Variants in PCDHGA3 observed in about 807,000 individuals in gnomAD.
PCDHGA3 encodes protocadherin gamma-A3.
A neutral mutation model predicts 58.5 loss-of-function variants in PCDHGA3; 40 were observed. That is an observed-to-expected ratio of 0.68 (90% CI 0.53 to 0.89). PCDHGA3 has a LOEUF of 0.89. Ranked by LOEUF, PCDHGA3 falls within the 40% of genes least tolerant of loss-of-function variation. PCDHGA3 has a pLI of 0.00. For missense variants in PCDHGA3, 1,223 were observed against 1,195.9 expected (o/e 1.02, Z -0.33); for synonymous variants, 530 against 525.7 (o/e 1.01, Z -0.11).
At position 141,480,148 on chromosome 5, in the gene PCDHGA3, G is replaced by C. The variant is rs139861128; in HGVS notation, c.2425-14659G>C. On this transcript the variant is annotated intron_variant, in intron 1 of 3. Transcript: ENST00000253812. ...ATAACTGTTAAACAATTATTAGCCA[G>C]CTCCTAGCATTTTGGGAGGCTGAGG... 9.2e-4 allele frequency among the ~76,000 whole-genome samples: 140 copies of C among 152,036 alleles called. 1 individual carries two copies. The highest frequency in any genetic ancestry group is 3.1e-3 in the African/African-American group (127 of 41,470).
At position 141,487,790 on chromosome 5, in the gene PCDHGA3, C is replaced by T. The variant is rs1360781901; in HGVS notation, c.2425-7017C>T. 6.6e-7 allele frequency: 1 copy of T among 1,511,992 alleles called. No individual in the cohort carries two copies. Among genetic ancestry groups the T allele is most frequent in the Non-Finnish European group, 8.9e-7 (1 of 1,120,458 alleles). The allele number at this position is 1,511,992 out of a possible 1,614,324, so 93.7% of individuals were successfully genotyped here. ...GCTTTGTAACTGTTTCGTGAATTAA[C>T]CAGAGTTGTCACAGTTTAGCATTGG... On this transcript the variant is annotated intron_variant, in intron 1 of 3. Coordinates refer to ENST00000253812, the MANE Select transcript of PCDHGA3 (RefSeq NM_018916.4). This position sits in a 1 kb window ranked among gnomAD's most constrained non-coding sequence, Gnocchi z 5.0.
intron 3 of PCDHGA3, chr5:141,508,010 CAAG>C (rs2099865550): frequency 6.6e-6 from 1 of 152,308 alleles, no homozygotes; most frequent in Non-Finnish European, 1.5e-5. Context: ...GGGATGCTCT[CAAG>C]GAGGCTGCGG....
chr5:141,478,249 A>T, intron 1 of PCDHGA3: 1 of 1,614,110 alleles, frequency 6.2e-7, no homozygotes, highest in African/African-American at 1.3e-5. Context: ...CAGTGTTCGG[A>T]GTAATCATAT....
chr5:141,361,584 C>T, intron 1 of PCDHGA3: 1 of 1,614,046 alleles, frequency 6.2e-7, no homozygotes, highest in African/African-American at 1.3e-5. Context: ...ACTTGGGCCC[C>T]AGTGGCCAAG....
chr5:141,443,288 C>T (rs2098378643), intron 1 of PCDHGA3, among the ~76,000 whole-genome samples: 1 of 150,180 alleles, frequency 6.7e-6, no homozygotes, highest in Non-Finnish European at 1.5e-5. Context: ...TGAGACCAGC[C>T]TGGACAGCAT....
rs201538255 is a variant in PCDHGA3 at position 141,476,796 on chromosome 5, G to A, written c.2425-18011G>A. 10 of 1,613,584 alleles carry A rather than the reference G, an allele frequency of 6.2e-6. No individual in the cohort carries two copies. In the East Asian group the frequency reaches 2.2e-4, roughly 36 times the overall value. On this transcript the variant is annotated intron_variant, in intron 1 of 3. Transcript: ENST00000253812. This position sits in a 1 kb window ranked among gnomAD's most constrained non-coding sequence, Gnocchi z 7.6. Reference sequence around the variant, plus strand: ...GGAGGGACCCCAGCTCTCTCCGCCAGCCTGCCTATTCACATCAAGGTGCTG... The same window carrying A: ...GGAGGGACCCCAGCTCTCTCCGCCAACCTGCCTATTCACATCAAGGTGCTG...
At chr5:141,360,227 T>C in intron 1 of PCDHGA3, 1 of 1,613,788 alleles carries the variant, frequency 6.2e-7, no homozygotes, top group Non-Finnish European at 8.5e-7. Context: ...GCTCTCCCAG[T>C]CCAGATCCGC....
At chr5:141,409,952 C>T (rs892751686) in intron 1 of PCDHGA3, 2 of 1,613,232 alleles carry the variant, frequency 1.2e-6, no homozygotes, top group Non-Finnish European at 1.7e-6. Context: ...CTCTGCAGAG[C>T]CCGGCTACCT....
intron 1 of PCDHGA3, chr5:141,433,012 G>A (rs1402902269): frequency 2.5e-6 from 4 of 1,614,054 alleles, no homozygotes; most frequent in Non-Finnish European, 3.4e-6. Flanking sequence ...CTTTCCTGCA[G>A]ACCTATTCCC....
In PCDHGA3 at chr5:141,383,687, C is replaced by T; in HGVS notation, c.2424+37230C>T. 1.2e-6 allele frequency: 2 copies of T among 1,613,968 alleles called. No homozygotes were observed. Among genetic ancestry groups the T allele is most frequent in the Middle Eastern group, 1.6e-4 (1 of 6,062 alleles). Reference sequence around the variant, plus strand: ...GTGCCAGTGGGTACAAGACTGCTCACGGTACATGCTATCGACCTGGACGAG... The same window carrying T: ...GTGCCAGTGGGTACAAGACTGCTCATGGTACATGCTATCGACCTGGACGAG... On this transcript the variant is annotated intron_variant, in intron 1 of 3. Coordinates refer to ENST00000253812, the MANE Select transcript of PCDHGA3 (RefSeq NM_018916.4).
intron 1 of PCDHGA3, among the ~76,000 whole-genome samples, chr5:141,472,357 C>T (rs1020143523): frequency 2.4e-4 from 37 of 152,012 alleles, no homozygotes; most frequent in Non-Finnish European, 1.5e-4. Context: ...CTGGCTAACA[C>T]GGTGAAACCC....
intron 1 of PCDHGA3, chr5:141,365,663 G>A (rs117201633): frequency 1.9e-6 from 3 of 1,613,390 alleles, no homozygotes; most frequent in African/African-American, 1.3e-5. Context: ...AGTAGCAGAC[G>A]TTAATGACAA....
At chr5:141,366,608 A>G (rs1387759369) in intron 1 of PCDHGA3, 1 of 1,614,110 alleles carries the variant, frequency 6.2e-7, no homozygotes, top group Non-Finnish European at 8.5e-7. Context: ...GGTCTCCCTC[A>G]CCGCGGACTC....
At position 141,493,412 on chromosome 5, in the gene PCDHGA3, G is replaced by A. The variant is rs1288041038; in HGVS notation, c.2425-1395G>A. Among the ~76,000 whole-genome samples, 3 of 152,114 alleles carry A rather than the reference G, an allele frequency of 2.0e-5. No individual in the cohort carries two copies. The highest frequency in any genetic ancestry group is 4.4e-5 in the Non-Finnish European group (3 of 68,024). On this transcript the variant is annotated intron_variant, in intron 1 of 3. Coordinates refer to ENST00000253812, the MANE Select transcript of PCDHGA3 (RefSeq NM_018916.4). This position sits in a 1 kb window ranked among gnomAD's most constrained non-coding sequence, Gnocchi z 4.3. ...CAGGAGAGGGGAGTTGCCTCTGCTG[G>A]GATTTTGCTTCTGCTGGGATGGGGC...
chr5:141,369,146 G>A (rs1450558377), intron 1 of PCDHGA3, among the ~76,000 whole-genome samples: 4 of 152,168 alleles, frequency 2.6e-5, no homozygotes, highest in African/African-American at 7.2e-5. Context: ...AAAATGGCAT[G>A]TTATTGACCA....
At position 141,344,250 on chromosome 5, in the gene PCDHGA3, C is replaced by A; in HGVS notation, c.217C>A (p.Gln73Lys). 1 of 1,614,052 alleles carries A rather than the reference C, an allele frequency of 6.2e-7. No individual in the cohort carries two copies. The highest frequency in any genetic ancestry group is 8.5e-7 in the Non-Finnish European group (1 of 1,179,898). The stretch of plus-strand genomic sequence containing the variant: ...CCGCATCGTCTCCAGAGGTAGGACG[C>A]AGCTTTTCTCTCTGAATCCGCAAAG... ...GVRIVSRGRTQLFSLNPQSGS... is the reference protein window; with the variant it reads ...GVRIVSRGRTKLFSLNPQSGS... Residue 73 changes from glutamine (Q) to lysine (K), a missense_variant, in exon 1 of 4, where the codon CAG (glutamine) becomes AAG (lysine). This residue lies in a region of PCDHGA3 where 791 missense variants were observed against 708.5 expected (regional missense o/e 1.12). Transcript: ENST00000253812.
chr5:141,417,001 ATAAT>A (rs2096073629), intron 1 of PCDHGA3: 2 of 150,812 alleles, frequency 1.3e-5, no homozygotes, highest in Non-Finnish European at 1.5e-5. Flanking sequence ...TTCATCTCAA[ATAAT>A]TCTATTATTT....
Position 141,477,653 on chromosome 5 carries a change from A to C in PCDHGA3, c.2425-17154A>C. ...GCTAGTGGGTCGCTATTTCACAATA[A>C]ATCGTGACAATGGCATAGTGTCATC... On this transcript the variant is annotated intron_variant, in intron 1 of 3. Transcript: ENST00000253812. The surrounding 1 kb of genome is among the most constrained non-coding windows in gnomAD (Gnocchi z 4.9). The C allele has an allele frequency of 1.2e-6, 2 of 1,614,204 alleles. No individual in the cohort carries two copies. Among genetic ancestry groups the C allele is most frequent in the Non-Finnish European group, 1.7e-6 (2 of 1,180,036 alleles).
At chr5:141,363,413 A>G (rs1762914812) in intron 1 of PCDHGA3, among the ~76,000 whole-genome samples, 1 of 152,194 alleles carries the variant, frequency 6.6e-6, no homozygotes, top group Admixed American at 6.5e-5. Context: ...GATAGCAGTA[A>G]ATATCTGTCT....
Sources: allele counts gnomAD v4.1 joint callset (sites outside exome capture counted in the v4.1 genomes callset), GRCh38; gene constraint gnomAD v4.1.1; regional missense constraint gnomAD v4.1.1; non-coding constraint Gnocchi (gnomAD v3.1); transcripts MANE v1.5; gene names NCBI Gene and HGNC (gene_info 2026-07-23, HGNC 2026-07-21).